Variants in SPRED1 observed in about 807,000 individuals in gnomAD.
The protein encoded by SPRED1 is sprouty-related, EVH1 domain-containing protein 1.
A neutral mutation model predicts 52.3 loss-of-function variants in SPRED1; 18 were observed. The ratio of observed to expected loss-of-function variants is 0.34; its 90% CI spans 0.24 to 0.51. The LOEUF is 0.51. SPRED1 is among the 20% of genes least tolerant of loss of function. The probability of loss-of-function intolerance (pLI) is 0.97; values close to 1 mark genes in which losing one functional copy is unlikely to be tolerated. For missense variants in SPRED1, 485 were observed against 551.0 expected (o/e 0.88, Z 1.20); for synonymous variants, 155 against 179.7 (o/e 0.86, Z 1.10).
intron 1 of SPRED1, among the ~76,000 whole-genome samples, chr15:38,262,578 G>T (rs982695589): frequency 4.6e-5 from 7 of 152,176 alleles, no homozygotes; most frequent in African/African-American, 1.7e-4. Context: ...TTGTTTGGAG[G>T]AGTTGTTAAG....
In SPRED1 at chr15:38,356,481, A is replaced by G. The variant is rs1445240586; in HGVS notation, c.*4817A>G. 6.6e-6 allele frequency: 1 copy of G among 152,048 alleles called. No individual in the cohort carries two copies. Among genetic ancestry groups the G allele is most frequent in the African/African-American group, 2.4e-5 (1 of 41,430 alleles). The allele number at this position is 152,048 out of a possible 1,614,324, so 9.4% of individuals were successfully genotyped here. On this transcript the variant is annotated 3_prime_UTR_variant, in exon 7 of 7. Transcript: ENST00000299084. Reference sequence around the variant, plus strand: ...AAAGGACTTTTTCTTATTCTCCTAGAGCTTATCAAATTATCACATAAGAGA... The same window carrying G: ...AAAGGACTTTTTCTTATTCTCCTAGGGCTTATCAAATTATCACATAAGAGA...
intron 5 of SPRED1, among the ~76,000 whole-genome samples, chr15:38,344,600 A>G (rs867138848): frequency 4.6e-5 from 7 of 152,282 alleles, no homozygotes; most frequent in Middle Eastern, 3.4e-3. Flanking sequence ...TTGGGTCTGA[A>G]TTCCAACTTC....
chr15:38,322,208 G>A (rs1284413325), intron 2 of SPRED1, 33 bp from the exon 3 acceptor site: 1 of 1,602,170 alleles, frequency 6.2e-7, no homozygotes, highest in South Asian at 1.1e-5. Context: ...TTTGATATAT[G>A]TATATTAATT....
intron 2 of SPRED1, among the ~76,000 whole-genome samples, chr15:38,319,401 C>CA (rs1895554994): frequency 6.6e-6 from 1 of 152,114 alleles, no homozygotes; most frequent in African/African-American, 2.4e-5. Context: ...TTTTTTGAGA[C>CA]AGAGTTTTAC....
intron 1 of SPRED1, among the ~76,000 whole-genome samples, chr15:38,281,134 A>C (rs149094950): frequency 6.6e-6 from 1 of 152,350 alleles, no homozygotes; most frequent in East Asian, 1.9e-4. Context: ...TGTCCCTGAA[A>C]GTAAAACTAG....
At chr15:38,257,041 A>T (rs762758686) in intron 1 of SPRED1, among the ~76,000 whole-genome samples, 1 of 151,990 alleles carries the variant, frequency 6.6e-6, no homozygotes, top group Non-Finnish European at 1.5e-5. Flanking sequence ...AAACTTTATG[A>T]TCCTGAATTA....
chr15:38,261,029 C>T (rs1434287265), intron 1 of SPRED1, among the ~76,000 whole-genome samples: 1 of 152,090 alleles, frequency 6.6e-6, no homozygotes, highest in African/African-American at 2.4e-5. Context: ...AAAACAAAGC[C>T]TCACAGTCAA....
At chr15:38,310,436 C>T (rs998182593) in intron 2 of SPRED1, among the ~76,000 whole-genome samples, 3 of 152,042 alleles carry the variant, frequency 2.0e-5, no homozygotes, top group Non-Finnish European at 4.4e-5. Context: ...CCACTGTGCC[C>T]AGCCAAATTT....
At chr15:38,325,342 A>G (rs1895693260) in intron 4 of SPRED1, among the ~76,000 whole-genome samples, 2 of 152,232 alleles carry the variant, frequency 1.3e-5, no homozygotes, top group Admixed American at 1.3e-4. Context: ...ACTATCCTTA[A>G]GATGTCTTAT....
chr15:38,337,327 T>TA (rs1179237920), intron 4 of SPRED1, among the ~76,000 whole-genome samples: 2 of 152,218 alleles, frequency 1.3e-5, no homozygotes, highest in African/African-American at 4.8e-5. Context: ...ATTTGATTCT[T>TA]ACAATTCATG....
chr15:38,286,123 T>C (rs919758972), intron 1 of SPRED1, among the ~76,000 whole-genome samples: 1 of 149,844 alleles, frequency 6.7e-6, no homozygotes, highest in African/African-American at 2.5e-5. Flanking sequence ...CAGGTGCCTA[T>C]GGTCACGCCT....
At position 38,351,494 on chromosome 15, in the gene SPRED1, G is replaced by C. The variant is rs978860080; in HGVS notation, c.1165G>C (p.Asp389His). The C allele has an allele frequency of 6.2e-7, 1 of 1,614,112 alleles. No homozygotes were observed. Among genetic ancestry groups the C allele is most frequent in the Non-Finnish European group, 8.5e-7 (1 of 1,180,006 alleles). The change falls in exon 7 of 7, where the codon GAT becomes CAT. Residue 389 changes from aspartate (D) to histidine (H), a missense_variant. Physicochemically the swap from Asp to His is moderately conservative, Grantham distance 81. Coordinates refer to ENST00000299084, the MANE Select transcript of SPRED1 (RefSeq NM_152594.3). ...GTCAGACTCAGAGGGAGATTTTTCT[G>C]ATCCCTGTTCGTGTGACACTAGCGA... ...CMSDSEGDFS[D>H]PCSCDTSDDK...
intron 5 of SPRED1, among the ~76,000 whole-genome samples, chr15:38,343,983 G>A (rs1896080536): frequency 6.6e-6 from 1 of 152,102 alleles, no homozygotes; most frequent in African/African-American, 2.4e-5. Context: ...TTGAAAGCCA[G>A]TTTTACTTTG....
At chr15:38,267,114 A>G (rs971205107) in intron 1 of SPRED1, among the ~76,000 whole-genome samples, 1 of 152,212 alleles carries the variant, frequency 6.6e-6, no homozygotes, top group Non-Finnish European at 1.5e-5. Flanking sequence ...ACAGCTTTCA[A>G]CTGCATCTAG....
intron 1 of SPRED1, among the ~76,000 whole-genome samples, chr15:38,259,727 T>C (rs578111067): frequency 6.6e-5 from 10 of 152,324 alleles, no homozygotes; most frequent in African/African-American, 2.4e-4. Context: ...AAATCAGTAA[T>C]GTAACACTAG....
At chr15:38,318,590 C>CT (rs1317304375) in intron 2 of SPRED1, among the ~76,000 whole-genome samples, 3 of 152,148 alleles carry the variant, frequency 2.0e-5, no homozygotes, top group African/African-American at 7.2e-5. Flanking sequence ...CCCTCCTTCT[C>CT]TTTCCCCTGT....
chr15:38,253,677 C>T (rs1441952623), intron 1 of SPRED1, among the ~76,000 whole-genome samples: 1 of 151,924 alleles, frequency 6.6e-6, no homozygotes, highest in African/African-American at 2.4e-5. Context: ...GTCAGTGACT[C>T]TTAAATACCG....
intron 5 of SPRED1, among the ~76,000 whole-genome samples, chr15:38,348,207 T>C (rs1466651731): frequency 6.6e-6 from 1 of 152,100 alleles, no homozygotes; most frequent in Non-Finnish European, 1.5e-5. Context: ...TTTTTCTTTT[T>C]TTCACTTGAC....
chr15:38,350,193 A>G (rs1888452770), intron 6 of SPRED1, among the ~76,000 whole-genome samples: 1 of 152,186 alleles, frequency 6.6e-6, no homozygotes. Context: ...GAAGTTCAAG[A>G]TCAAGGTTGT....
Sources: gnomAD v4.1 joint callset for allele counts (sites outside exome capture counted in the v4.1 genomes callset) on GRCh38, gnomAD v4.1.1 for gene constraint, MANE v1.5 for transcripts, NCBI Gene and HGNC (gene_info 2026-07-23, HGNC 2026-07-21) for gene names.